ZYG11B: variants seen among roughly 807,000 people sequenced by gnomAD.
The protein encoded by ZYG11B is zyg-11 family member B, cell cycle regulator.
In ZYG11B, 36 loss-of-function variants were observed where a neutral mutation model predicts 82.4. The observed-to-expected ratio is 0.44, with a 90% CI of 0.33 to 0.58. ZYG11B has a LOEUF of 0.58. Among genes scored for constraint, ZYG11B ranks in the 20% least tolerant of loss-of-function variants. The pLI, the probability that ZYG11B is intolerant of heterozygous loss-of-function variation, is 0.02. For synonymous variants in ZYG11B, 303 were observed against 312.8 expected (o/e 0.97, Z 0.33); for missense variants, 552 against 895.6 (o/e 0.62, Z 4.90).
chr1:52,749,388 G>A (rs1282898951), intron 1 of ZYG11B, among the ~76,000 whole-genome samples: 1 of 152,132 alleles, frequency 6.6e-6, no homozygotes, highest in Non-Finnish European at 1.5e-5. Context: ...CAGGGAGAAG[G>A]GAACAGTGAG....
chr1:52,739,597 G>C (rs1157110669), intron 1 of ZYG11B, among the ~76,000 whole-genome samples: 1 of 151,782 alleles, frequency 6.6e-6, no homozygotes, highest in Non-Finnish European at 1.5e-5. Flanking sequence ...GTTAATATTT[G>C]CAAAGTACTT....
chr1:52,760,499 A>G (rs1192909482), intron 2 of ZYG11B, among the ~76,000 whole-genome samples: 1 of 152,212 alleles, frequency 6.6e-6, no homozygotes, highest in Non-Finnish European at 1.5e-5. Context: ...TACTGTTTCT[A>G]ATAGCATATT....
intron 8 of ZYG11B, among the ~76,000 whole-genome samples, chr1:52,799,285 A>G (rs764593985): frequency 3.9e-5 from 6 of 152,062 alleles, no homozygotes; most frequent in Non-Finnish European, 7.4e-5. Context: ...CAGGAGATCG[A>G]GACCATCCTG....
chr1:52,795,378 T>G (rs1044739271), intron 6 of ZYG11B, among the ~76,000 whole-genome samples: 1 of 152,172 alleles, frequency 6.6e-6, no homozygotes, highest in Admixed American at 6.6e-5. Flanking sequence ...CAATTAAACC[T>G]TTTTTCTTTA....
chr1:52,816,913 C>T (rs901313006), intron 13 of ZYG11B, among the ~76,000 whole-genome samples: 1 of 151,538 alleles, frequency 6.6e-6, no homozygotes, highest in Admixed American at 6.6e-5. Flanking sequence ...CTCAGCCTCC[C>T]GAGTAGCTGA....
At chr1:52,728,214 A>C (rs758271458) in intron 1 of ZYG11B, among the ~76,000 whole-genome samples, 34 of 152,168 alleles carry the variant, frequency 2.2e-4, no homozygotes, top group Non-Finnish European at 4.7e-4. Flanking sequence ...ATATAAACTT[A>C]AACTGAAATT....
chr1:52,789,960 G>A (rs532523903), intron 5 of ZYG11B, 43 bp from the exon 6 acceptor site: 6 of 1,383,490 alleles, frequency 4.3e-6, no homozygotes, highest in South Asian at 2.9e-5. Flanking sequence ...ATATAACAAA[G>A]TGATATTTTA....
intron 3 of ZYG11B, among the ~76,000 whole-genome samples, chr1:52,779,291 A>G (rs1459334309): frequency 6.6e-6 from 1 of 152,154 alleles, no homozygotes; most frequent in Non-Finnish European, 1.5e-5. Flanking sequence ...ATAGTGTTAA[A>G]TATCTTGAGA....
At chr1:52,787,791 A>T (rs1644925889) in intron 5 of ZYG11B, among the ~76,000 whole-genome samples, 1 of 110,818 alleles carries the variant, frequency 9.0e-6, no homozygotes, top group African/African-American at 4.6e-5. Context: ...TTTAAAAACA[A>T]CTCAATTAAA....
Position 52,803,087 on chromosome 1 carries a change from C to CATAT in ZYG11B, c.1695+956_1695+959dup, listed in dbSNP as rs1232248742. 1.3e-3 allele frequency among the ~76,000 whole-genome samples: 29 copies of CATAT among 22,548 alleles called. 1 individual carries two copies. Among genetic ancestry groups the CATAT allele is most frequent in the South Asian group, 1.9e-3 (1 of 524 alleles). The allele number at this position is 22,548 out of a possible 152,430, so 14.8% of individuals were successfully genotyped here. On this transcript the variant is annotated intron_variant, in intron 10 of 13. Coordinates refer to ENST00000294353, the MANE Select transcript of ZYG11B (RefSeq NM_024646.3). ...TTGCCACTATATATATATATATACA[C>CATAT]ATATATATATACATATATATATATA...
In ZYG11B at chr1:52,821,552, G is replaced by A. The variant is rs1196683827; in HGVS notation, c.2158G>A (p.Asp720Asn). 1.9e-6 allele frequency: 3 copies of A among 1,613,914 alleles called. No individual in the cohort carries two copies. Among genetic ancestry groups the A allele is most frequent in the Non-Finnish European group, 2.5e-6 (3 of 1,180,004 alleles). The change falls in exon 14 of 14, where the codon GAT (aspartate) becomes AAT (asparagine). Residue 720 changes from aspartate to asparagine, a missense_variant. Around this residue, in one of 3 missense-constraint regions of ZYG11B, gnomAD observed 127 missense variants for 163.4 expected, o/e 0.78. Coordinates refer to ENST00000294353, the MANE Select transcript of ZYG11B (RefSeq NM_024646.3). The part of the protein sequence containing the change: ...HVQQIAVAIL[D>N]SLEKHIVRHG... ...CCAACAGATTGCTGTGGCCATTCTG[G>A]ATAGCTTAGAAAAACACATTGTGCG...
Position 52,791,612 on chromosome 1 carries a change from A to G in ZYG11B, c.1334+1545A>G, listed in dbSNP as rs1295167576. Among the ~76,000 whole-genome samples, 5 of 152,084 alleles carry G rather than the reference A, an allele frequency of 3.3e-5. No individual in the cohort carries two copies. In the East Asian group the frequency reaches 9.7e-4, roughly 29 times the overall value. On this transcript the variant is annotated intron_variant, in intron 6 of 13. Coordinates refer to ENST00000294353, the MANE Select transcript of ZYG11B (RefSeq NM_024646.3). ...TCGAACTCCTGACCTCAGGTAATCC[A>G]CCCACCTCGGCCTCCCAAATTGCTG...
chr1:52,732,315 T>C (rs1186815538), intron 1 of ZYG11B, among the ~76,000 whole-genome samples: 1 of 152,290 alleles, frequency 6.6e-6, no homozygotes, highest in East Asian at 1.9e-4. Context: ...AGTGGAGAAA[T>C]GTCCTACAAT....
chr1:52,758,508 A>C (rs1644599480), intron 2 of ZYG11B, among the ~76,000 whole-genome samples: 2 of 152,156 alleles, frequency 1.3e-5, no homozygotes, highest in African/African-American at 4.8e-5. Flanking sequence ...AAGTCTGTCC[A>C]ATTTTAAATA....
At chr1:52,737,844 G>A (rs1644390678) in intron 1 of ZYG11B, among the ~76,000 whole-genome samples, 1 of 152,248 alleles carries the variant, frequency 6.6e-6, no homozygotes. Context: ...AATGTTAACT[G>A]AGATGTTGTG....
chr1:52,766,265 C>T (rs778275670), intron 2 of ZYG11B, among the ~76,000 whole-genome samples: 45 of 151,822 alleles, frequency 3.0e-4, no homozygotes, highest in Non-Finnish European at 4.9e-4. Flanking sequence ...GGACTACAGG[C>T]GTGTGCCACC....
chr1:52,803,103 TATATATATATATATAC>T (rs1645094536), intron 10 of ZYG11B, among the ~76,000 whole-genome samples: 9 of 79,728 alleles, frequency 1.1e-4, no homozygotes, highest in African/African-American at 7.7e-4. Context: ...TATATACATA[TATATATATATATATAC>T]ACACATATAT....
chr1:52,814,689 G>A (rs1645209309), intron 12 of ZYG11B, among the ~76,000 whole-genome samples: 1 of 142,638 alleles, frequency 7.0e-6, no homozygotes. Context: ...GACAGAGCAA[G>A]ACTCCAAATG....
intron 10 of ZYG11B, among the ~76,000 whole-genome samples, chr1:52,803,276 A>ATATAAT (rs1645108828): frequency 8.8e-6 from 1 of 113,126 alleles, no homozygotes. Flanking sequence ...ACACACACAC[A>ATATAAT]CACATATATA....
Sources: gnomAD v4.1 joint callset for allele counts (sites outside exome capture counted in the v4.1 genomes callset) on GRCh38, gnomAD v4.1.1 for gene constraint, gnomAD v4.1.1 regional missense constraint, MANE v1.5 for transcripts, NCBI Gene and HGNC (gene_info 2026-07-23, HGNC 2026-07-21) for gene names.